The following DMTF1 variants were observed in gnomAD, a reference collection of about 807,000 sequenced individuals.
DMTF1 encodes the protein cyclin-D-binding Myb-like transcription factor 1.
DMTF1 carries 39 observed loss-of-function variants against 91.1 expected under a neutral mutation model. That is an observed-to-expected ratio of 0.43 (90% CI 0.33 to 0.56). DMTF1 has a LOEUF of 0.56. Ranked by LOEUF, DMTF1 falls within the 20% of genes least tolerant of loss-of-function variation. The probability of loss-of-function intolerance (pLI) is 0.05; values close to 1 mark genes in which losing one functional copy is unlikely to be tolerated. For synonymous variants in DMTF1, 338 were observed against 309.5 expected (o/e 1.09, Z -0.97); for missense variants, 750 against 914.5 (o/e 0.82, Z 2.32).
At chr7:87,152,752 C>T (rs929645661) in intron 1 of DMTF1, 197 bp downstream of exon 1, 2 of 154,306 alleles carry the variant, frequency 1.3e-5, no homozygotes, top group African/African-American at 4.8e-5. Context: ...CCAGGGCCTC[C>T]CTCTTAGGGC....
chr7:87,158,231 A>G (rs775069747), intron 1 of DMTF1, among the ~76,000 whole-genome samples: 8 of 152,086 alleles, frequency 5.3e-5, no homozygotes, highest in Non-Finnish European at 8.8e-5. Context: ...TCTGTCAATA[A>G]TAAACGTTCC....
chr7:87,172,050 T>C (rs987434587), intron 5 of DMTF1, among the ~76,000 whole-genome samples: 1 of 152,224 alleles, frequency 6.6e-6, no homozygotes, highest in Non-Finnish European at 1.5e-5. Flanking sequence ...TTGATTCTCA[T>C]ATCCAACTGA....
Position 87,193,933 on chromosome 7 carries a change from A to C in DMTF1, c.1859A>C (p.Lys620Thr), listed in dbSNP as rs755749351. Residue 620 changes from lysine to threonine, a missense_variant, in exon 16 of 18, where the codon AAG becomes ACG. By Grantham distance (78) the Lys-to-Thr change is moderately conservative. This residue lies in a region of DMTF1 where 410 missense variants were observed against 420.2 expected (regional missense o/e 0.98). Transcript: ENST00000331242. The stretch of plus-strand genomic sequence containing the variant: ...TTCCCAGATGAAATTCATCACCCTA[A>C]GATGACTGTGGAGCCATCATTTAAT... ...DTFPDEIHHP[K>T]MTVEPSFNDA... 19 of 1,613,310 alleles carry C rather than the reference A, an allele frequency of 1.2e-5. No individual in the cohort carries two copies. Among genetic ancestry groups the C allele is most frequent in the Non-Finnish European group, 1.4e-5 (17 of 1,179,616 alleles).
chr7:87,163,801 T>C (rs1026343052), intron 2 of DMTF1, among the ~76,000 whole-genome samples, 184 bp downstream of exon 2: 1 of 152,226 alleles, frequency 6.6e-6, no homozygotes, highest in Non-Finnish European at 1.5e-5. Flanking sequence ...ACCATGTAAA[T>C]GTTAATATAT....
At chr7:87,191,498 T>C (rs1457200658) in intron 14 of DMTF1, among the ~76,000 whole-genome samples, 1 of 152,126 alleles carries the variant, frequency 6.6e-6, no homozygotes, top group Non-Finnish European at 1.5e-5. Context: ...AATGAAAATA[T>C]CTGTCCAATA....
At chr7:87,157,116 C>T (rs1790942953) in intron 1 of DMTF1, among the ~76,000 whole-genome samples, 1 of 152,008 alleles carries the variant, frequency 6.6e-6, no homozygotes, top group African/African-American at 2.4e-5. Flanking sequence ...TGTATTGGGT[C>T]AGGAGAAAAA....
intron 5 of DMTF1, among the ~76,000 whole-genome samples, chr7:87,172,349 C>T (rs1795266800): frequency 1.3e-5 from 2 of 152,196 alleles, no homozygotes; most frequent in Non-Finnish European, 2.9e-5. Flanking sequence ...TGATTTCCAG[C>T]TTTTTGCCCA....
chr7:87,184,947 A>G (rs576813193), intron 11 of DMTF1: 62 of 485,134 alleles, frequency 1.3e-4, no homozygotes, highest in South Asian at 9.1e-4. Flanking sequence ...AATGTGCCTC[A>G]GTCCTAGCCT....
At chr7:87,177,700 CATT>C (rs1279250032) in intron 7 of DMTF1, among the ~76,000 whole-genome samples, 2 of 152,276 alleles carry the variant, frequency 1.3e-5, no homozygotes, top group South Asian at 4.1e-4. Flanking sequence ...GACATTCTCA[CATT>C]ATCTTGTAAA....
rs372366392 is a variant in DMTF1, at chr7:87,166,625, G to A, written c.232+20G>A. ...TTCCACGTAAGTCACTACGTATTAA[G>A]AGCCATAGAGTTCCCTTTTAAAATC... On this transcript the variant is annotated intron_variant, in intron 4 of 17. Coordinates refer to ENST00000331242, the MANE Select transcript of DMTF1 (RefSeq NM_001142327.2). 57 of 1,532,198 alleles carry A rather than the reference G, an allele frequency of 3.7e-5. No homozygotes were observed. Among genetic ancestry groups the A allele is most frequent in the Non-Finnish European group, 4.8e-5 (54 of 1,135,954 alleles). 94.9% of individuals were successfully genotyped at this position (1,532,198 alleles called of 1,614,324 possible).
chr7:87,159,770 TAC>T (rs2129052664), intron 1 of DMTF1, among the ~76,000 whole-genome samples: 1 of 152,272 alleles, frequency 6.6e-6, no homozygotes, highest in South Asian at 2.1e-4. Context: ...TCATAGAAAA[TAC>T]ACAGACCTGT....
chr7:87,173,503 G>T (rs750531624), intron 5 of DMTF1, 32 bp from the exon 6 acceptor site: 2 of 1,462,170 alleles, frequency 1.4e-6, no homozygotes, highest in African/African-American at 1.4e-5. Context: ...GTTTTGTTTT[G>T]TTTTGTTTTG....
At chr7:87,153,449 GAGTAGA>G (rs1789842904) in intron 1 of DMTF1, among the ~76,000 whole-genome samples, 1 of 152,206 alleles carries the variant, frequency 6.6e-6, no homozygotes, top group Admixed American at 6.5e-5. Context: ...GCAGATTTGA[GAGTAGA>G]AGTGGCCAAG....
intron 13 of DMTF1, among the ~76,000 whole-genome samples, chr7:87,189,980 T>G (rs565575655): frequency 6.6e-6 from 1 of 152,222 alleles, no homozygotes; most frequent in African/African-American, 2.4e-5. Context: ...AGATTCCTTT[T>G]AAATAGCTGA....
At chr7:87,177,442 T>C (rs1270976699) in intron 7 of DMTF1, among the ~76,000 whole-genome samples, 2 of 152,154 alleles carry the variant, frequency 1.3e-5, no homozygotes, top group Non-Finnish European at 2.9e-5. Context: ...CCAGTTTTTC[T>C]GTGGAGTTAA....
chr7:87,164,879 C>G, intron 2 of DMTF1, 55 bp from the exon 3 acceptor site: 1 of 1,045,746 alleles, frequency 9.6e-7, no homozygotes, highest in Non-Finnish European at 1.4e-6. Flanking sequence ...TAAGGGAATA[C>G]TTCATATTTG....
In DMTF1 at chr7:87,193,801, C is replaced by G. The variant is rs1180756525; in HGVS notation, c.1727C>G (p.Ala576Gly). ...HTPRVIIQTV[A>G]TEDITSSISQ... The stretch of plus-strand genomic sequence containing the variant: ...CCAAGAGTCATCATTCAGACTGTTG[C>G]CACAGAGGACATCACTTCTTCCATA... The change falls in exon 16 of 18, where the codon GCC (alanine) becomes GGC (glycine). Residue 576 changes from alanine to glycine, a missense_variant. Coordinates refer to ENST00000331242, the MANE Select transcript of DMTF1 (RefSeq NM_001142327.2). 2 of 1,613,036 alleles carry G rather than the reference C, an allele frequency of 1.2e-6. No homozygotes were observed. The highest frequency in any genetic ancestry group is 3.3e-4 in the Middle Eastern group (2 of 6,048).
chr7:87,184,312 T>TCCTATC, intron 10 of DMTF1, 85 bp from the exon 11 acceptor site: 1 of 1,266,944 alleles, frequency 7.9e-7, no homozygotes, highest in Non-Finnish European at 1.1e-6. Flanking sequence ...ATTGCTTACT[T>TCCTATC]CCTATCAGTC....
intron 7 of DMTF1, among the ~76,000 whole-genome samples, chr7:87,175,324 G>A (rs908933356): frequency 6.6e-6 from 1 of 152,022 alleles, no homozygotes; most frequent in Non-Finnish European, 1.5e-5. Flanking sequence ...CCCGGCTAAG[G>A]TATGCATCTT....
Sources: allele counts gnomAD v4.1 joint callset (sites outside exome capture counted in the v4.1 genomes callset), GRCh38; gene constraint gnomAD v4.1.1; regional missense constraint gnomAD v4.1.1; transcripts MANE v1.5; gene names NCBI Gene and HGNC (gene_info 2026-07-23, HGNC 2026-07-21).